THSD7A: variants seen among roughly 807,000 people sequenced by gnomAD.
The protein encoded by THSD7A is thrombospondin type 1 domain containing 7A, also known as thrombospondin type-1 domain-containing protein 7A.
In THSD7A, 96 loss-of-function variants were observed where a neutral mutation model predicts 231.3. That is an observed-to-expected ratio of 0.41 (90% confidence interval 0.35 to 0.49). The LOEUF (loss-of-function observed/expected upper bound fraction) is 0.49. Ranked by LOEUF, THSD7A falls within the 20% of genes least tolerant of loss-of-function variation. THSD7A has a pLI of 0.05. For missense variants in THSD7A, 2,290 were observed against 2,070.2 expected (o/e 1.11, Z -2.06); for synonymous variants, 940 against 743.3 (o/e 1.26, Z -4.30).
chr7:11,805,235 C>T (rs1784369989), intron 1 of THSD7A, among the ~76,000 whole-genome samples: 1 of 152,086 alleles, frequency 6.6e-6, no homozygotes, highest in Admixed American at 6.6e-5. Flanking sequence ...CTTCTCATTC[C>T]AAAGGAGAGT....
intron 1 of THSD7A, among the ~76,000 whole-genome samples, chr7:11,745,760 T>C (rs1033316170): frequency 1.1e-4 from 16 of 152,066 alleles, no homozygotes; most frequent in African/African-American, 3.6e-4. Flanking sequence ...GTTGTAGATA[T>C]GTGGCATTAT....
intron 23 of THSD7A, among the ~76,000 whole-genome samples, chr7:11,393,117 C>T (rs1449227952): frequency 3.9e-5 from 6 of 152,110 alleles, no homozygotes; most frequent in Non-Finnish European, 1.5e-5. Flanking sequence ...CAGGGGTTGA[C>T]AGATGCCTCA....
At chr7:11,618,366 T>A (rs1329941613) in intron 2 of THSD7A, among the ~76,000 whole-genome samples, 1 of 152,196 alleles carries the variant, frequency 6.6e-6, no homozygotes, top group Admixed American at 6.5e-5. Context: ...ATAATAGAAA[T>A]CATTTTCTAA....
chr7:11,636,675 C>A lies in THSD7A; in HGVS notation c.477G>T (p.Ala159=). ...GEEGIQVREI[A]CIQKDKDIPA... ...GAATGTCTTTGTCTTTCTGGATGCACGCTATCTCCCTCACCTGAATACCTT... is the reference window on the plus strand; with the variant it reads ...GAATGTCTTTGTCTTTCTGGATGCAAGCTATCTCCCTCACCTGAATACCTT... Residue 159 remains alanine (A), a synonymous_variant, in exon 2 of 28, where the codon GCG becomes GCT. Transcript: ENST00000423059. The surrounding 1 kb of genome is among the most constrained non-coding windows in gnomAD (Gnocchi z 10.0). 1 of 1,613,992 alleles carries A rather than the reference C, an allele frequency of 6.2e-7. No individual in the cohort carries two copies. Among genetic ancestry groups the A allele is most frequent in the South Asian group, 1.1e-5 (1 of 91,086 alleles).
At chr7:11,393,457 C>T (rs917007698) in intron 23 of THSD7A, among the ~76,000 whole-genome samples, 3 of 152,186 alleles carry the variant, frequency 2.0e-5, no homozygotes, top group Admixed American at 6.5e-5. Context: ...TTCCTCTCCT[C>T]CAAAGTATCA....
chr7:11,474,887 G>T lies in THSD7A; in HGVS notation c.2018-319C>A, dbSNP rs1409648710. Among the ~76,000 whole-genome samples, 1 of 152,156 alleles carries T rather than the reference G, an allele frequency of 6.6e-6. No homozygotes were observed. On this transcript the variant is annotated intron_variant, in intron 7 of 27. Coordinates refer to ENST00000423059, the MANE Select transcript of THSD7A (RefSeq NM_015204.3). This position sits in a 1 kb window ranked among gnomAD's most constrained non-coding sequence, Gnocchi z 4.1. ...ATTTAGTATAACTGGGATTCAAGGA[G>T]TACAATTTCACTACTTTTTGGAGTC...
At chr7:11,609,178 G>C (rs551890540) in intron 2 of THSD7A, among the ~76,000 whole-genome samples, 1 of 152,214 alleles carries the variant, frequency 6.6e-6, no homozygotes, top group South Asian at 2.1e-4. Context: ...ACTTCACCCA[G>C]TGGGAGCCCT....
At chr7:11,436,014 C>A (rs1440747030) in intron 13 of THSD7A, among the ~76,000 whole-genome samples, 2 of 151,944 alleles carry the variant, frequency 1.3e-5, no homozygotes, top group Admixed American at 1.3e-4. Flanking sequence ...TATGTAAGAA[C>A]CTGTGTTTAT....
Position 11,424,796 on chromosome 7 carries a change from T to G in THSD7A, c.3283A>C (p.Asn1095His). Residue 1095 changes from asparagine to histidine, a missense_variant, in exon 16 of 28, where the codon AAC becomes CAC. Asn to His is a moderately conservative substitution (Grantham distance 68). Transcript: ENST00000423059. The part of the protein sequence containing the change: ...YEVVPCHSDC[N>H]QYLWVTEPWS... ...GGCTCTGTGACCCATAGGTACTGGT[T>G]GCAGTCACTGTGGCATGGGACAACC... is the stretch of plus-strand genomic sequence containing the variant. 6.2e-7 allele frequency: 1 copy of G among 1,613,990 alleles called. No homozygotes were observed. The highest frequency in any genetic ancestry group is 1.1e-5 in the South Asian group (1 of 91,080).
chr7:11,689,624 A>G lies in THSD7A; in HGVS notation c.191-52663T>C, dbSNP rs1025708071. Among the ~76,000 whole-genome samples the G allele has an allele frequency of 2.0e-5, 3 of 151,764 alleles. No individual in the cohort carries two copies. The Admixed American group carries it at 2.0e-4, about 10-fold the overall frequency. On this transcript the variant is annotated intron_variant, in intron 1 of 27. Transcript: ENST00000423059. The stretch of plus-strand genomic sequence containing the variant: ...CCATTTTCGTCCTACTTCTTTGGTC[A>G]TATTTCTTTAGAAAATGGAAATGCC...
chr7:11,590,599 G>A lies in THSD7A; in HGVS notation c.1314C>T (p.Asp438=), dbSNP rs780559832. The A allele has an allele frequency of 8.7e-6, 14 of 1,613,374 alleles. No individual in the cohort carries two copies. The highest frequency in any genetic ancestry group is 1.2e-5 in the Non-Finnish European group (14 of 1,179,602). Residue 438 remains aspartate, a synonymous_variant, in exon 4 of 28, where the codon GAC becomes GAT. Coordinates refer to ENST00000423059, the MANE Select transcript of THSD7A (RefSeq NM_015204.3). This position sits in a 1 kb window ranked among gnomAD's most constrained non-coding sequence, Gnocchi z 4.4. ...RTTEWTECRV[D]PLLSQQDKRR... ...TCTTGTCCTGCTGACTGAGCAAAGGGTCCACACGGCACTCAGTCCACTCTG... is the reference window on the plus strand; with the variant it reads ...TCTTGTCCTGCTGACTGAGCAAAGGATCCACACGGCACTCAGTCCACTCTG...
intron 23 of THSD7A, among the ~76,000 whole-genome samples, chr7:11,387,744 T>C (rs1013729302): frequency 6.6e-6 from 1 of 152,144 alleles, no homozygotes; most frequent in African/African-American, 2.4e-5. Context: ...TCCCATACTA[T>C]GTTGAATAGG....
chr7:11,507,959 G>C (rs554448389), intron 6 of THSD7A, among the ~76,000 whole-genome samples: 170 of 152,312 alleles, frequency 1.1e-3, no homozygotes, highest in Non-Finnish European at 2.1e-3. Context: ...TGCATGGCAA[G>C]GGAGGCCTCA....
At chr7:11,466,278 C>T (rs1303076490) in intron 9 of THSD7A, among the ~76,000 whole-genome samples, 1 of 152,108 alleles carries the variant, frequency 6.6e-6, no homozygotes, top group Non-Finnish European at 1.5e-5. Flanking sequence ...TTCAACTTTG[C>T]TTAGCATTTT....
At chr7:11,820,210 G>A (rs1214059073) in intron 1 of THSD7A, 2 of 351,562 alleles carry the variant, frequency 5.7e-6, no homozygotes, top group Admixed American at 4.7e-5. Context: ...TGAGGGGTGG[G>A]GGTAGGATTT....
chr7:11,529,029 T>C (rs1788592967), intron 6 of THSD7A, among the ~76,000 whole-genome samples: 1 of 152,150 alleles, frequency 6.6e-6, no homozygotes, highest in Non-Finnish European at 1.5e-5. Flanking sequence ...TGTTGTCTTC[T>C]AAAAACAGAA....
intron 14 of THSD7A, 136 bp from the exon 15 acceptor site, chr7:11,426,807 A>C: frequency 1.2e-6 from 1 of 819,512 alleles, no homozygotes; most frequent in East Asian, 2.8e-5. Flanking sequence ...TTTTGGTAAA[A>C]TATTAGAACA....
intron 4 of THSD7A, among the ~76,000 whole-genome samples, chr7:11,571,091 G>A (rs1032086830): frequency 2.0e-5 from 3 of 152,088 alleles, no homozygotes; most frequent in Admixed American, 6.5e-5. Flanking sequence ...CTGCATTTTA[G>A]TTGGGAGGAC....
At chr7:11,820,467 C>T (rs1425018922) in intron 1 of THSD7A, 19 of 1,183,112 alleles carry the variant, frequency 1.6e-5, no homozygotes, top group Non-Finnish European at 2.1e-5. Flanking sequence ...GGCCCTGACC[C>T]GGAGGTCATC....
Sources: gnomAD v4.1 joint callset for allele counts (sites outside exome capture counted in the v4.1 genomes callset) on GRCh38, gnomAD v4.1.1 for gene constraint, Gnocchi (gnomAD v3.1) non-coding constraint, MANE v1.5 for transcripts, NCBI Gene and HGNC (gene_info 2026-07-23, HGNC 2026-07-21) for gene names.